Variants in HSD17B1 observed in about 807,000 individuals in gnomAD.
HSD17B1 encodes the protein hydroxysteroid 17-beta dehydrogenase 1.
HSD17B1 carries 16 observed loss-of-function variants against 22.7 expected under a neutral mutation model. The observed-to-expected ratio is 0.71, with a 90% CI of 0.48 to 1.07. The LOEUF is 1.07. HSD17B1 is among the 50% of genes least tolerant of loss of function. HSD17B1 has a pLI of 0.00. For synonymous variants in HSD17B1, 243 were observed against 211.0 expected (o/e 1.15, Z -1.31); for missense variants, 533 against 459.9 (o/e 1.16, Z -1.45).
rs1330408051 is a variant in HSD17B1, at chr17:42,553,263, C to G, written c.237C>G (p.Arg79=). The G allele has an allele frequency of 1.9e-6, 3 of 1,611,164 alleles. No homozygotes were observed. The highest frequency in any genetic ancestry group is 1.1e-5 in the South Asian group (1 of 91,078). The change falls in exon 2 of 6, where the codon CGC becomes CGG. Residue 79 remains arginine, a synonymous_variant. Coordinates refer to ENST00000585807, the MANE Select transcript of HSD17B1 (RefSeq NM_000413.4). ...AATCCGTGGCCGCTGCCCGGGAACG[C>G]GTGACTGAGGGCCGCGTGGACGTGC... ...DSKSVAAARE[R]VTEGRVDVLV...
At position 42,555,054 on chromosome 17, in the gene HSD17B1, C is replaced by T; in HGVS notation, c.*116C>T. The T allele has an allele frequency of 1.4e-6, 2 of 1,382,330 alleles. No individual in the cohort carries two copies. Among genetic ancestry groups the T allele is most frequent in the Non-Finnish European group, 1.9e-6 (2 of 1,074,334 alleles). The allele number at this position is 1,382,330 out of a possible 1,614,324, so 85.6% of individuals were successfully genotyped here. A position where few individuals can be genotyped will look rare whatever the true frequency, so the allele number is the denominator to read the frequency against. On this transcript the variant is annotated 3_prime_UTR_variant, in exon 6 of 6. Transcript: ENST00000585807. ...GGCTAATTAAGATAGATCGCGTTAG[C>T]CAGTTTTACCAGCGCAGCTAGGCGC... is the stretch of plus-strand genomic sequence containing the variant.
At chr17:42,553,707 G>C in intron 3 of HSD17B1, 87 bp from the exon 4 acceptor site, 1 of 1,596,920 alleles carries the variant, frequency 6.3e-7, no homozygotes, top group African/African-American at 1.3e-5. Context: ...GGGGTGGAGT[G>C]GGGTGCCGTC....
Position 42,555,053 on chromosome 17 carries a change from G to C in HSD17B1, c.*115G>C. 1.4e-6 allele frequency: 2 copies of C among 1,385,730 alleles called. No individual in the cohort carries two copies. The highest frequency in any genetic ancestry group is 1.9e-6 in the Non-Finnish European group (2 of 1,076,054). The allele number at this position is 1,385,730 out of a possible 1,614,324, so 85.8% of individuals were successfully genotyped here. A position where few individuals can be genotyped will look rare whatever the true frequency, so the allele number is the denominator to read the frequency against. ...TGGCTAATTAAGATAGATCGCGTTA[G>C]CCAGTTTTACCAGCGCAGCTAGGCG... On this transcript the variant is annotated 3_prime_UTR_variant, in exon 6 of 6. Transcript: ENST00000585807.
Position 42,555,049 on chromosome 17 carries a change from G to A in HSD17B1, c.*111G>A, listed in dbSNP as rs1012071135. 1.2e-5 allele frequency: 16 copies of A among 1,386,080 alleles called. No individual in the cohort carries two copies. Among genetic ancestry groups the A allele is most frequent in the Non-Finnish European group, 1.4e-5 (15 of 1,076,274 alleles). The allele number at this position is 1,386,080 out of a possible 1,614,324, so 85.9% of individuals were successfully genotyped here. On this transcript the variant is annotated 3_prime_UTR_variant, in exon 6 of 6. Transcript: ENST00000585807. ...TGGGTGGCTAATTAAGATAGATCGC[G>A]TTAGCCAGTTTTACCAGCGCAGCTA...
At position 42,552,954 on chromosome 17, in the gene HSD17B1, C is replaced by A. The variant is rs375086443; in HGVS notation, c.21C>A (p.Leu7=). MARTVV[L]ITGCSSGIGL... ...TCACCATGGCCCGCACCGTGGTGCT[C>A]ATCACCGGCTGTTCCTCGGGCATCG... The change falls in exon 1 of 6, where the codon CTC becomes CTA. Residue 7 remains leucine, a synonymous_variant. Coordinates refer to ENST00000585807, the MANE Select transcript of HSD17B1 (RefSeq NM_000413.4). 16 of 1,614,122 alleles carry A rather than the reference C, an allele frequency of 9.9e-6. No homozygotes were observed. Among genetic ancestry groups the A allele is most frequent in the Non-Finnish European group, 1.1e-5 (13 of 1,180,024 alleles).
chr17:42,555,051 TA>T lies in HSD17B1; in HGVS notation c.*114del. On this transcript the variant is annotated 3_prime_UTR_variant, in exon 6 of 6. Coordinates refer to ENST00000585807, the MANE Select transcript of HSD17B1 (RefSeq NM_000413.4). ...GGTGGCTAATTAAGATAGATCGCGT[TA>T]GCCAGTTTTACCAGCGCAGCTAGGC... 1.4e-6 allele frequency: 2 copies of T among 1,384,098 alleles called. No individual in the cohort carries two copies. Among genetic ancestry groups the T allele is most frequent in the Non-Finnish European group, 1.9e-6 (2 of 1,075,158 alleles). 85.7% of individuals were successfully genotyped at this position (1,384,098 alleles called of 1,614,324 possible). A position where few individuals can be genotyped will look rare whatever the true frequency, so the allele number is the denominator to read the frequency against.
In HSD17B1 at chr17:42,553,454, T is replaced by C; in HGVS notation, c.281T>C (p.Leu94Pro). 10 of 1,613,108 alleles carry C rather than the reference T, an allele frequency of 6.2e-6. No individual in the cohort carries two copies. The highest frequency in any genetic ancestry group is 8.5e-6 in the Non-Finnish European group (10 of 1,179,840). The stretch of plus-strand genomic sequence containing the variant: ...GTCTCCGCAGTGTGTAACGCAGGCC[T>C]GGGCCTGCTGGGGCCGCTGGAGGCG... Reference protein sequence around the residue: ...RVDVLVCNAGLGLLGPLEALG... With the variant: ...RVDVLVCNAGPGLLGPLEALG... Residue 94 changes from leucine (L) to proline (P), a missense_variant, in exon 3 of 6, where the codon CTG becomes CCG. By Grantham distance (98) the Leu-to-Pro change is moderately conservative. Coordinates refer to ENST00000585807, the MANE Select transcript of HSD17B1 (RefSeq NM_000413.4).
Position 42,554,653 on chromosome 17 carries a change from C to T in HSD17B1, c.718-16C>T, listed in dbSNP as rs756508158. Reference sequence around the variant, plus strand: ...GGCGCGCAGCGGTGGCCACAGCTCTCCTCCCGCCGCCGCAGGTCTTCCTCA... The same window carrying T: ...GGCGCGCAGCGGTGGCCACAGCTCTTCTCCCGCCGCCGCAGGTCTTCCTCA... On this transcript the variant is annotated splice_polypyrimidine_tract_variant and intron_variant, in intron 5 of 5. Coordinates refer to ENST00000585807, the MANE Select transcript of HSD17B1 (RefSeq NM_000413.4). 4.9e-5 allele frequency: 78 copies of T among 1,604,426 alleles called. 1 individual carries two copies. The highest frequency in any genetic ancestry group is 2.0e-4 in the South Asian group (18 of 90,946).
chr17:42,553,924 T>A, intron 4 of HSD17B1, 37 bp downstream of exon 4: 1 of 1,562,084 alleles, frequency 6.4e-7, no homozygotes, highest in Non-Finnish European at 8.8e-7. Flanking sequence ...CCCTCTTAAC[T>A]CTGACCTAGA....
At chr17:42,553,313 G>A (rs2092949869) in intron 2 of HSD17B1, 22 bp downstream of exon 2, 1 of 1,602,852 alleles carries the variant, frequency 6.2e-7, no homozygotes. Flanking sequence ...GGAAGCATAT[G>A]GGCTCCTAGG....
intron 4 of HSD17B1, 198 bp from the exon 5 acceptor site, chr17:42,554,207 G>T: frequency 2.6e-6 from 2 of 775,476 alleles, no homozygotes; most frequent in Non-Finnish European, 4.0e-6. Context: ...AGATGGATTT[G>T]GGAGGGCTGC....
Position 42,555,059 on chromosome 17 carries a change from T to C in HSD17B1, c.*121T>C. On this transcript the variant is annotated 3_prime_UTR_variant, in exon 6 of 6. Coordinates refer to ENST00000585807, the MANE Select transcript of HSD17B1 (RefSeq NM_000413.4). ...ATTAAGATAGATCGCGTTAGCCAGT[T>C]TTACCAGCGCAGCTAGGCGCGATGG... 1.5e-6 allele frequency: 2 copies of C among 1,379,234 alleles called. No homozygotes were observed. Among genetic ancestry groups the C allele is most frequent in the Non-Finnish European group, 1.9e-6 (2 of 1,072,546 alleles). The allele number at this position is 1,379,234 out of a possible 1,614,324, so 85.4% of individuals were successfully genotyped here.
intron 4 of HSD17B1, 22 bp downstream of exon 4, chr17:42,553,909 C>T (rs756339089): frequency 1.3e-6 from 2 of 1,596,800 alleles, no homozygotes; most frequent in Admixed American, 1.7e-5. Context: ...CCCCCGTTCC[C>T]CGAACCCTCT....
Position 42,554,897 on chromosome 17 carries a change from G to A in HSD17B1, c.946G>A (p.Gly316Arg), listed in dbSNP as rs1361651072. Residue 316 changes from glycine to arginine, a missense_variant, in exon 6 of 6, where the codon GGG becomes AGG. Transcript: ENST00000585807. The stretch of plus-strand genomic sequence containing the variant: ...GGACGAGGCCGGGCGCGGTGCGGTG[G>A]GGGACCCTGAGCTCGGCGATCCTCC... ...AEDEAGRGAVGDPELGDPPAA... is the reference protein window; with the variant it reads ...AEDEAGRGAVRDPELGDPPAA... 1.3e-6 allele frequency: 2 copies of A among 1,521,786 alleles called. No homozygotes were observed. Among genetic ancestry groups the A allele is most frequent in the Non-Finnish European group, 1.7e-6 (2 of 1,143,784 alleles). The allele number at this position is 1,521,786 out of a possible 1,614,324, so 94.3% of individuals were successfully genotyped here.
At chr17:42,554,337 G>C (rs1208428782) in intron 4 of HSD17B1, 68 bp from the exon 5 acceptor site, 1 of 1,499,812 alleles carries the variant, frequency 6.7e-7, no homozygotes, top group Non-Finnish European at 8.9e-7. Context: ...GCTGGGACTG[G>C]GGTTGGGGCT....
chr17:42,553,098 T>C (rs780905364), intron 1 of HSD17B1, 26 bp from the exon 2 acceptor site: 17 of 1,613,910 alleles, frequency 1.1e-5, no homozygotes, highest in Non-Finnish European at 1.4e-5. Context: ...GGAAGTCAGA[T>C]CTTCCTCCTC....
At chr17:42,553,082 C>T (rs597255) in intron 1 of HSD17B1, 42 bp from the exon 2 acceptor site, 902,083 of 1,613,528 alleles carry the variant, frequency 0.56, 254,706 homozygotes, top group African/African-American at 0.65. Flanking sequence ...CCTTGGAGGC[C>T]AGAAGGGAAG....
intron 3 of HSD17B1, 34 bp downstream of exon 3, chr17:42,553,652 A>G: frequency 6.3e-7 from 1 of 1,596,282 alleles, no homozygotes. Context: ...GCAGCTCCAG[A>G]TTCTTTGTGT....
chr17:42,554,790 T>C lies in HSD17B1; in HGVS notation c.839T>C (p.Met280Thr), dbSNP rs752294261. The C allele has an allele frequency of 1.9e-6, 3 of 1,602,512 alleles. No individual in the cohort carries two copies. The highest frequency in any genetic ancestry group is 1.7e-5 in the Admixed American group (1 of 59,982). The change falls in exon 6 of 6, where the codon ATG (methionine) becomes ACG (threonine). Residue 280 changes from methionine to threonine, a missense_variant. By Grantham distance (81) the Met-to-Thr change is moderately conservative (BLOSUM62 -1). Transcript: ENST00000585807. ...DPSGSNYVTA[M>T]HREVFGDVPA... ...AGCGGCTCCAACTACGTCACCGCCATGCACCGGGAAGTGTTCGGCGACGTT... is the reference window on the plus strand; with the variant it reads ...AGCGGCTCCAACTACGTCACCGCCACGCACCGGGAAGTGTTCGGCGACGTT...
Sources: allele counts gnomAD v4.1 joint callset, GRCh38; gene constraint gnomAD v4.1.1; transcripts MANE v1.5; gene names NCBI Gene and HGNC (gene_info 2026-07-23, HGNC 2026-07-21).